DRC9: variants seen among roughly 807,000 people sequenced by gnomAD.
DRC9 encodes the protein dynein regulatory complex subunit 9.
the DRC9 span, among the ~76,000 whole-genome samples, chr3:197,909,959 C>T: frequency 7.9e-5 from 12 of 152,254 alleles, no homozygotes; most frequent in Middle Eastern, 6.8e-3. Context: ...CATTGCACTC[C>T]AGCCTGGGCA....
chr3:197,902,766 A>AT, the DRC9 span, among the ~76,000 whole-genome samples: 1 of 152,092 alleles, frequency 6.6e-6, no homozygotes, highest in African/African-American at 2.4e-5. Context: ...ACCCAAAGCA[A>AT]TCCACAGATT....
the DRC9 span, among the ~76,000 whole-genome samples, chr3:197,896,046 A>G: frequency 7.1e-6 from 1 of 141,252 alleles, no homozygotes; most frequent in African/African-American, 2.6e-5. Flanking sequence ...TGAAAAGTTA[A>G]AAAAAAAAAA....
At chr3:197,895,806 C>A in the DRC9 span, among the ~76,000 whole-genome samples, 1 of 151,082 alleles carries the variant, frequency 6.6e-6, no homozygotes, top group Non-Finnish European at 1.5e-5. Context: ...AAAACCCCAT[C>A]GCTACAAAAC....
At chr3:197,950,774 C>G in the DRC9 span, 1 of 643,882 alleles carries the variant, frequency 1.6e-6, no homozygotes, top group Non-Finnish European at 2.7e-6. Context: ...GAATGTCTTG[C>G]CGGACCCTGC....
chr3:197,901,368 C>A, the DRC9 span, among the ~76,000 whole-genome samples: 30 of 152,334 alleles, frequency 2.0e-4, no homozygotes, highest in Non-Finnish European at 4.1e-4. This position sits in a 1 kb window ranked among gnomAD's most constrained non-coding sequence, Gnocchi z 4.4. Context: ...AAACTCACGA[C>A]CCCAGGTGAT....
the DRC9 span, chr3:197,960,085 C>T: frequency 8.5e-6 from 6 of 707,394 alleles, no homozygotes; most frequent in South Asian, 3.9e-5. Context: ...ACGTGATCGC[C>T]GCCCTCATCT....
the DRC9 span, among the ~76,000 whole-genome samples, chr3:197,946,592 T>C: frequency 2.0e-5 from 3 of 152,186 alleles, no homozygotes; most frequent in Non-Finnish European, 4.4e-5. Context: ...TTGTACTGAA[T>C]GGACAGTGAG....
At chr3:197,893,811 G>A in the DRC9 span, among the ~76,000 whole-genome samples, 21 of 151,960 alleles carry the variant, frequency 1.4e-4, no homozygotes, top group African/African-American at 5.1e-4. Context: ...TTGCGCCACA[G>A]CACTCTAGCC....
chr3:197,890,991 A>G, the DRC9 span, among the ~76,000 whole-genome samples: 1 of 152,212 alleles, frequency 6.6e-6, no homozygotes, highest in East Asian at 1.9e-4. Context: ...TGAGACACAC[A>G]AGTTCACATA....
the DRC9 span, chr3:197,891,388 C>G: frequency 1.1e-6 from 1 of 872,770 alleles, no homozygotes; most frequent in Non-Finnish European, 1.9e-6. Context: ...ATTGGAAATG[C>G]TTTTGTGTTC....
the DRC9 span, chr3:197,950,127 C>A: frequency 4.1e-6 from 5 of 1,231,604 alleles, no homozygotes; most frequent in Admixed American, 8.4e-5. Flanking sequence ...GGAGAAGATG[C>A]CTAAATTGAG....
chr3:197,892,910 A>G, the DRC9 span: 1 of 973,018 alleles, frequency 1.0e-6, no homozygotes, highest in Non-Finnish European at 1.5e-6. Flanking sequence ...GGAGAGTTGG[A>G]TTTCTGATTG....
the DRC9 span, among the ~76,000 whole-genome samples, chr3:197,947,928 C>CTTTTTTTTTTTT: frequency 2.1e-5 from 2 of 96,770 alleles, no homozygotes; most frequent in Non-Finnish European, 2.0e-5. Context: ...CCTGCTTTAC[C>CTTTTTTTTTTTT]TTTTTTTTTT....
chr3:197,954,027 A>G, the DRC9 span: 1 of 1,613,400 alleles, frequency 6.2e-7, no homozygotes, highest in Non-Finnish European at 8.5e-7. Context: ...CTGGCGGCAA[A>G]CCAAACAAAA....
At chr3:197,904,564 A>G in the DRC9 span, among the ~76,000 whole-genome samples, 1 of 152,184 alleles carries the variant, frequency 6.6e-6, no homozygotes, top group Non-Finnish European at 1.5e-5. Context: ...CAACAGACGA[A>G]CGGATAAAGA....
the DRC9 span, among the ~76,000 whole-genome samples, chr3:197,897,803 G>A: frequency 1.1e-3 from 144 of 135,112 alleles, no homozygotes; most frequent in Non-Finnish European, 1.9e-3. Flanking sequence ...ACAGAGTCTC[G>A]CTCTGTCGCC....
the DRC9 span, among the ~76,000 whole-genome samples, chr3:197,942,708 G>A: frequency 4.0e-5 from 6 of 151,598 alleles, no homozygotes; most frequent in Admixed American, 6.6e-5. Flanking sequence ...ACCTGAGGTC[G>A]GGAGTTCAAG....
chr3:197,896,692 G>C, the DRC9 span, among the ~76,000 whole-genome samples: 1 of 152,172 alleles, frequency 6.6e-6, no homozygotes, highest in Non-Finnish European at 1.5e-5. Flanking sequence ...TTCCTAGACT[G>C]CCATCTCTGT....
At chr3:197,907,224 A>T in the DRC9 span, among the ~76,000 whole-genome samples, 16 of 152,328 alleles carry the variant, frequency 1.1e-4, no homozygotes, top group African/African-American at 3.6e-4. Context: ...ATGTCTTAGT[A>T]AAGAAGTGTC....
Sources: gnomAD v4.1 joint callset for allele counts (sites outside exome capture counted in the v4.1 genomes callset) on GRCh38, gnomAD v4.1.1 for gene constraint, Gnocchi (gnomAD v3.1) non-coding constraint, MANE v1.5 for transcripts, NCBI Gene and HGNC (gene_info 2026-07-23, HGNC 2026-07-21) for gene names.